The following PEBP4 variants were observed in gnomAD, a reference collection of about 807,000 sequenced individuals.
The protein encoded by PEBP4 is phosphatidylethanolamine binding protein 4.
In PEBP4, 22 loss-of-function variants were observed where a neutral mutation model predicts 23.9. The observed-to-expected ratio is 0.92, with a 90% confidence interval of 0.66 to 1.31. The LOEUF (loss-of-function observed/expected upper bound fraction) is 1.31. Among genes scored for constraint, PEBP4 ranks in the 40% most tolerant of loss-of-function variants. The pLI, the probability that PEBP4 is intolerant of heterozygous loss-of-function variation, is 0.00. For missense variants in PEBP4, 324 were observed against 281.7 expected (o/e 1.15, Z -1.07); for synonymous variants, 112 against 99.3 (o/e 1.13, Z -0.76).
intron 4 of PEBP4, among the ~76,000 whole-genome samples, chr8:22,765,253 C>T (rs1242653239): frequency 3.9e-5 from 6 of 152,118 alleles, no homozygotes; most frequent in African/African-American, 4.8e-5. Context: ...AAGCGATTCT[C>T]CTGCCTCAGC....
At position 22,877,301 on chromosome 8, in the gene PEBP4, G is replaced by A. The variant is rs189987296; in HGVS notation, c.258+42883C>T. 3.9e-5 allele frequency among the ~76,000 whole-genome samples: 6 copies of A among 152,272 alleles called. No homozygotes were observed. The East Asian group carries it at 7.7e-4, about 20-fold the overall frequency. On this transcript the variant is annotated intron_variant, in intron 3 of 6. Coordinates refer to ENST00000256404, the MANE Select transcript of PEBP4 (RefSeq NM_144962.3). ...TGGAATAGAAAGATGATGGGGCTAC[G>A]TGTCCTTATTGTGAATCAAAACGTC...
At position 22,810,713 on chromosome 8, in the gene PEBP4, T is replaced by TGA. The variant is rs1261621853; in HGVS notation, c.357+6922_357+6923dup. Among the ~76,000 whole-genome samples, 529 of 126,236 alleles carry TGA rather than the reference T, an allele frequency of 4.2e-3. 3 individuals are homozygous for TGA. Among genetic ancestry groups the TGA allele is most frequent in the Middle Eastern group, 0.012 (3 of 256 alleles). The allele number at this position is 126,236 out of a possible 152,430, so 82.8% of individuals were successfully genotyped here. On this transcript the variant is annotated intron_variant, in intron 4 of 6. Transcript: ENST00000256404. ...GTGTGTGTGTGTGTGTGTGTGTGTG[T>TGA]GAGAGAGAGAGAGAGAAAGAGAAAG...
intron 3 of PEBP4, among the ~76,000 whole-genome samples, chr8:22,915,067 CT>C (rs1296750305): frequency 2.0e-5 from 3 of 152,046 alleles, no homozygotes; most frequent in African/African-American, 7.3e-5. Context: ...TGGACTCTCC[CT>C]CTCCCCAATA....
intron 3 of PEBP4, among the ~76,000 whole-genome samples, chr8:22,869,397 G>T (rs1311573685): frequency 6.6e-6 from 1 of 152,196 alleles, no homozygotes; most frequent in African/African-American, 2.4e-5. Context: ...TTGGGGCTTT[G>T]TCTCGTTCCT....
intron 3 of PEBP4, among the ~76,000 whole-genome samples, chr8:22,848,782 C>T (rs912878888): frequency 3.3e-5 from 5 of 152,168 alleles, no homozygotes; most frequent in African/African-American, 1.2e-4. Context: ...TGATGAGTGT[C>T]ATCAAGAAGA....
chr8:22,719,917 G>A (rs922269537), intron 6 of PEBP4, among the ~76,000 whole-genome samples: 8 of 152,220 alleles, frequency 5.3e-5, no homozygotes, highest in Non-Finnish European at 1.2e-4. Context: ...TCACAGAGGT[G>A]GCTGCCTTCT....
chr8:22,916,596 T>A (rs1809077773), intron 3 of PEBP4, among the ~76,000 whole-genome samples: 1 of 152,202 alleles, frequency 6.6e-6, no homozygotes, highest in Admixed American at 6.5e-5. Context: ...GGCCGACAGT[T>A]TGGCTGACAC....
intron 3 of PEBP4, among the ~76,000 whole-genome samples, chr8:22,899,197 C>G (rs1222829197): frequency 6.6e-6 from 1 of 152,206 alleles, no homozygotes; most frequent in Non-Finnish European, 1.5e-5. Context: ...CCTGCCAGCC[C>G]AGCTCTCTGG....
At position 22,713,507 on chromosome 8, in the gene PEBP4, G is replaced by A. The variant is rs1309532915; in HGVS notation, c.547C>T (p.Arg183Cys). The A allele has an allele frequency of 5.0e-6, 8 of 1,614,020 alleles. No homozygotes were observed. The highest frequency in any genetic ancestry group is 2.7e-5 in the African/African-American group (2 of 74,936). Residue 183 changes from arginine (R) to cysteine (C), a missense_variant, in exon 7 of 7, where the codon CGT becomes TGT. By Grantham distance (180) the Arg-to-Cys change is radical (BLOSUM62 -3). Coordinates refer to ENST00000256404, the MANE Select transcript of PEBP4 (RefSeq NM_144962.3). Reference sequence around the variant, plus strand: ...GCTTCAGGTTCGCCCAGGTGGAAACGGTTCAGAAATCTGTCCATTTTCCAA... The same window carrying A: ...GCTTCAGGTTCGCCCAGGTGGAAACAGTTCAGAAATCTGTCCATTTTCCAA... ...GSWKMDRFLN[R>C]FHLGEPEAST...
chr8:22,824,578 C>T (rs188212703), intron 3 of PEBP4, among the ~76,000 whole-genome samples: 5 of 152,096 alleles, frequency 3.3e-5, no homozygotes, highest in Non-Finnish European at 5.9e-5. Flanking sequence ...ACATTATAAT[C>T]GATAATGAAA....
chr8:22,917,386 C>T (rs1585343020), intron 3 of PEBP4, among the ~76,000 whole-genome samples: 1 of 152,334 alleles, frequency 6.6e-6, no homozygotes, highest in South Asian at 2.1e-4. Flanking sequence ...GAAGCTCCAA[C>T]TACCACCTTC....
chr8:22,931,944 A>G (rs1346399289), upstream of PEBP4, among the ~76,000 whole-genome samples: 3 of 152,154 alleles, frequency 2.0e-5, no homozygotes, highest in African/African-American at 7.2e-5. Context: ...TAACATCTTC[A>G]ATTTCTTCGC....
At chr8:22,743,914 T>A (rs17676443) in intron 4 of PEBP4, among the ~76,000 whole-genome samples, 2 of 151,914 alleles carry the variant, frequency 1.3e-5, no homozygotes, top group African/African-American at 2.4e-5. Flanking sequence ...GTTTTGCTTG[T>A]GAGGTCTCCC....
chr8:22,759,826 C>T (rs144552336), intron 4 of PEBP4, among the ~76,000 whole-genome samples: 27 of 152,292 alleles, frequency 1.8e-4, no homozygotes, highest in Non-Finnish European at 2.9e-5. Context: ...AACAGCCTCC[C>T]AGGCTGCAAC....
intron 3 of PEBP4, among the ~76,000 whole-genome samples, chr8:22,825,771 G>A (rs1346298202): frequency 6.6e-6 from 1 of 152,174 alleles, no homozygotes; most frequent in African/African-American, 2.4e-5. Context: ...ACAATAGCCA[G>A]GATGAGGAAA....
intron 3 of PEBP4, among the ~76,000 whole-genome samples, chr8:22,882,897 C>G (rs527768362): frequency 1.3e-5 from 2 of 152,290 alleles, no homozygotes; most frequent in South Asian, 2.1e-4. Context: ...TTCATACTAA[C>G]CAACCCAACC....
intron 4 of PEBP4, among the ~76,000 whole-genome samples, chr8:22,794,942 A>AATGGATAG: frequency 6.6e-6 from 1 of 151,614 alleles, no homozygotes; most frequent in South Asian, 2.1e-4. Context: ...TTATTTCCCA[A>AATGGATAG]ATGGATAGTC....
chr8:22,879,787 A>G (rs1044367897), intron 3 of PEBP4, among the ~76,000 whole-genome samples: 6 of 152,244 alleles, frequency 3.9e-5, no homozygotes, highest in South Asian at 2.1e-4. Flanking sequence ...CAATGCAATT[A>G]TCTCTGAGAT....
chr8:22,894,996 C>T (rs961929705), intron 3 of PEBP4, among the ~76,000 whole-genome samples: 1 of 152,164 alleles, frequency 6.6e-6, no homozygotes, highest in Non-Finnish European at 1.5e-5. Flanking sequence ...TTCAGCATGG[C>T]CAAGGGAGAC....
Sources: gnomAD v4.1 joint callset for allele counts (sites outside exome capture counted in the v4.1 genomes callset) on GRCh38, gnomAD v4.1.1 for gene constraint, MANE v1.5 for transcripts, NCBI Gene and HGNC (gene_info 2026-07-23, HGNC 2026-07-21) for gene names.